The following TXLNB variants were observed in gnomAD, a reference collection of about 807,000 sequenced individuals.
The protein encoded by TXLNB is beta-taxilin.
In TXLNB, 37 loss-of-function variants were observed where a neutral mutation model predicts 57.4. The observed-to-expected ratio is 0.64, with a 90% CI of 0.50 to 0.85. The LOEUF is 0.85. Ranked by LOEUF, TXLNB falls within the 40% of genes least tolerant of loss-of-function variation. The probability of loss-of-function intolerance (pLI) is 0.00; values close to 1 mark genes in which losing one functional copy is unlikely to be tolerated. For missense variants in TXLNB, 848 were observed against 825.6 expected, an observed-to-expected ratio of 1.03 and a Z score of -0.33; for synonymous variants, 302 against 309.6, an observed-to-expected ratio of 0.98 and a Z score of 0.26.
At chr6:139,282,219 G>T (rs1489149547) in intron 2 of TXLNB, among the ~76,000 whole-genome samples, 2 of 149,800 alleles carry the variant, frequency 1.3e-5, no homozygotes, top group Non-Finnish European at 3.0e-5. Context: ...CTCTCTCAGA[G>T]AAACTAGAAA....
At chr6:139,187,722 C>T in the TXLNB span, among the ~76,000 whole-genome samples, 4 of 152,114 alleles carry the variant, frequency 2.6e-5, no homozygotes, top group East Asian at 7.7e-4. Context: ...TTCATCTGGC[C>T]GAGGTCATTC....
At chr6:139,291,328 A>C (rs562250592) in intron 1 of TXLNB, among the ~76,000 whole-genome samples, 1 of 152,368 alleles carries the variant, frequency 6.6e-6, no homozygotes, top group African/African-American at 2.4e-5. Context: ...CTTAGGATGA[A>C]ATAAAATCTC....
chr6:139,318,194 T>C, the TXLNB span, among the ~76,000 whole-genome samples: 5 of 139,136 alleles, frequency 3.6e-5, no homozygotes, highest in East Asian at 8.5e-4. Flanking sequence ...GGCGTGAACC[T>C]GGGAGGCAGA....
At chr6:139,253,535 G>A (rs1209389037) in intron 7 of TXLNB, among the ~76,000 whole-genome samples, 2 of 151,984 alleles carry the variant, frequency 1.3e-5, no homozygotes, top group African/African-American at 4.8e-5. Flanking sequence ...AGAGGTTTAG[G>A]TGGGTTACAC....
At chr6:139,217,780 A>G in the TXLNB span, among the ~76,000 whole-genome samples, 1 of 151,478 alleles carries the variant, frequency 6.6e-6, no homozygotes, top group Non-Finnish European at 1.5e-5. Flanking sequence ...GAGGCAGGAG[A>G]ATCGCTTGCA....
chr6:139,211,754 C>G, the TXLNB span, among the ~76,000 whole-genome samples: 3 of 152,116 alleles, frequency 2.0e-5, no homozygotes, highest in Non-Finnish European at 4.4e-5. Context: ...GAATGGATAA[C>G]TAGAATAACC....
In TXLNB at chr6:139,244,586, C is replaced by A. The variant is rs1483512132; in HGVS notation, c.1266+9G>T. On this transcript the variant is annotated intron_variant, in intron 9 of 9. Transcript: ENST00000358430. ...GAGGGGATTAAAGCTAAGGGAGAAA[C>A]TTCCTCACCTCTTCAATCATGTCCA... The A allele has an allele frequency of 6.3e-7, 1 of 1,598,568 alleles. No individual in the cohort carries two copies. Among genetic ancestry groups the A allele is most frequent in the Non-Finnish European group, 8.6e-7 (1 of 1,166,014 alleles).
intron 7 of TXLNB, among the ~76,000 whole-genome samples, chr6:139,250,767 CAT>C (rs1776185315): frequency 6.6e-6 from 1 of 152,106 alleles, no homozygotes; most frequent in Non-Finnish European, 1.5e-5. Context: ...GGAGTGAGCA[CAT>C]GTCTGGTCCA....
At chr6:139,290,464 A>T (rs748683761) in intron 1 of TXLNB, among the ~76,000 whole-genome samples, 4 of 152,190 alleles carry the variant, frequency 2.6e-5, no homozygotes, top group Admixed American at 6.5e-5. Flanking sequence ...CCAATATATA[A>T]ACCAATTTTT....
chr6:139,243,030 C>T lies in TXLNB; in HGVS notation c.1551G>A (p.Pro517=), dbSNP rs767921289. The change falls in exon 10 of 10, where the codon CCG becomes CCA. Residue 517 remains proline, a synonymous_variant. Transcript: ENST00000358430. ...FMIIHHPEST[P]HQSKETQPEI... ...CGGGTTGGGTTTCTTTGGACTGGTG[C>T]GGGGTTGACTCTGGATGATGAATTA... The T allele has an allele frequency of 3.9e-5, 63 of 1,613,936 alleles. 1 individual carries two copies. The South Asian group carries it at 4.1e-4, about 10-fold the overall frequency.
At chr6:139,250,055 C>A (rs1002208057) in intron 7 of TXLNB, among the ~76,000 whole-genome samples, 18 of 151,804 alleles carry the variant, frequency 1.2e-4, no homozygotes, top group Non-Finnish European at 5.9e-5. Flanking sequence ...GATTCTGTCA[C>A]CCAGGCTGGA....
chr6:139,214,285 C>G, the TXLNB span, among the ~76,000 whole-genome samples: 1 of 152,200 alleles, frequency 6.6e-6, no homozygotes. Context: ...CCACCATGAT[C>G]AAGTGGGCTT....
intron 2 of TXLNB, among the ~76,000 whole-genome samples, chr6:139,285,411 G>A (rs745834760): frequency 1.4e-5 from 2 of 143,002 alleles, no homozygotes; most frequent in African/African-American, 5.2e-5. Flanking sequence ...ATTGTCTTAC[G>A]GAAACTTGAA....
the TXLNB span, chr6:139,167,011 G>T: frequency 7.5e-5 from 121 of 1,614,102 alleles, no homozygotes; most frequent in Non-Finnish European, 9.1e-5. Context: ...CAGTTCACAG[G>T]GGGGGACACT....
chr6:139,259,078 T>G (rs954428130), intron 6 of TXLNB, among the ~76,000 whole-genome samples: 1 of 152,190 alleles, frequency 6.6e-6, no homozygotes, highest in African/African-American at 2.4e-5. Flanking sequence ...GATTTCACAT[T>G]GAAAACAACT....
At chr6:139,252,465 A>C (rs1325429102) in intron 7 of TXLNB, among the ~76,000 whole-genome samples, 2 of 152,210 alleles carry the variant, frequency 1.3e-5, no homozygotes, top group African/African-American at 4.8e-5. Context: ...GGCTTAAGTA[A>C]TTATTGGAAT....
chr6:139,227,855 A>G, the TXLNB span, among the ~76,000 whole-genome samples: 7 of 152,228 alleles, frequency 4.6e-5, no homozygotes, highest in Non-Finnish European at 1.0e-4. Context: ...ACACACGCAC[A>G]GGCACTCATA....
the TXLNB span, among the ~76,000 whole-genome samples, chr6:139,161,630 A>G: frequency 6.6e-6 from 1 of 152,186 alleles, no homozygotes; most frequent in East Asian, 1.9e-4. Flanking sequence ...TCCTCTCTTA[A>G]TCCACCTTTC....
chr6:139,226,302 C>CAAAAAAAAAAA, the TXLNB span, among the ~76,000 whole-genome samples: 4 of 39,242 alleles, frequency 1.0e-4, no homozygotes, highest in Non-Finnish European at 1.7e-4. Flanking sequence ...GACCCTGTCT[C>CAAAAAAAAAAA]AAAAAAAAAA....
Sources: allele counts gnomAD v4.1 joint callset (sites outside exome capture counted in the v4.1 genomes callset), GRCh38; gene constraint gnomAD v4.1.1; transcripts MANE v1.5; gene names NCBI Gene and HGNC (gene_info 2026-07-23, HGNC 2026-07-21).